Variants in ANKRD55 observed in about 807,000 individuals in gnomAD.
The protein encoded by ANKRD55 is ankyrin repeat domain 55.
A neutral mutation model predicts 60.6 loss-of-function variants in ANKRD55; 41 were observed. The observed-to-expected ratio is 0.68, with a 90% CI of 0.53 to 0.88. The LOEUF (loss-of-function observed/expected upper bound fraction) is 0.88, where lower values mean the gene tolerates loss of function less well. ANKRD55 is among the 40% of genes least tolerant of loss of function. The pLI, the probability that ANKRD55 is intolerant of heterozygous loss-of-function variation, is 0.00. For missense variants in ANKRD55, 732 were observed against 767.6 expected, an observed-to-expected ratio of 0.95 and a Z score of 0.55; for synonymous variants, 264 against 290.3, an observed-to-expected ratio of 0.91 and a Z score of 0.92.
At chr5:56,127,641 AAG>A in intron 7 of ANKRD55, 5 of 879,606 alleles carry the variant, frequency 5.7e-6, no homozygotes, top group Non-Finnish European at 5.5e-6. Flanking sequence ...GGAGCCTGGG[AAG>A]CAGAACTGTC....
intron 9 of ANKRD55, among the ~76,000 whole-genome samples, chr5:56,115,364 G>A (rs1756857304): frequency 6.6e-6 from 1 of 150,402 alleles, no homozygotes; most frequent in Non-Finnish European, 1.5e-5. Flanking sequence ...TGTCATCCAG[G>A]CTGGAGTGCA....
At chr5:56,168,109 A>AT (rs1308758483) in intron 5 of ANKRD55, among the ~76,000 whole-genome samples, 1 of 152,214 alleles carries the variant, frequency 6.6e-6, no homozygotes, top group South Asian at 2.1e-4. Flanking sequence ...AGAGCACCTT[A>AT]TAACCAGATG....
At chr5:56,154,776 A>G (rs1476782785) in intron 6 of ANKRD55, among the ~76,000 whole-genome samples, 1 of 151,978 alleles carries the variant, frequency 6.6e-6, no homozygotes, top group Non-Finnish European at 1.5e-5. Flanking sequence ...TTTAGTAGAG[A>G]CGGGGTTTGG....
chr5:56,108,943 A>G (rs1756580569), intron 10 of ANKRD55, among the ~76,000 whole-genome samples: 1 of 151,902 alleles, frequency 6.6e-6, no homozygotes, highest in African/African-American at 2.4e-5. Flanking sequence ...AGGCTGAGGC[A>G]GGAGAATTGC....
At chr5:56,188,831 C>T (rs926427654) in intron 2 of ANKRD55, among the ~76,000 whole-genome samples, 11 of 152,026 alleles carry the variant, frequency 7.2e-5, no homozygotes, top group African/African-American at 2.7e-4. Context: ...AAAGTTCTGA[C>T]TGATAAAACG....
At chr5:56,116,875 G>T in intron 8 of ANKRD55, 93 bp from the exon 9 acceptor site, 1 of 1,329,072 alleles carries the variant, frequency 7.5e-7, no homozygotes, top group Non-Finnish European at 1.0e-6. Flanking sequence ...AAGTCAGGTT[G>T]AGGTAGGGAA....
chr5:56,160,985 T>C (rs1337326321), intron 5 of ANKRD55: 1 of 152,218 alleles, frequency 6.6e-6, no homozygotes, highest in Non-Finnish European at 1.5e-5. Context: ...ATCTGTGAGA[T>C]AGGAGTGATA....
intron 8 of ANKRD55, among the ~76,000 whole-genome samples, chr5:56,124,687 T>C (rs149678816): frequency 0.016 from 2,403 of 152,176 alleles, 74 homozygotes; most frequent in African/African-American, 0.055. Flanking sequence ...TTTGTATTTT[T>C]AGTAGAGACA....
chr5:56,172,550 GA>G (rs1172635574), intron 4 of ANKRD55, among the ~76,000 whole-genome samples: 1 of 151,638 alleles, frequency 6.6e-6, no homozygotes, highest in African/African-American at 2.4e-5. Context: ...ACATTTCCTG[GA>G]ACTCTGTGTG....
chr5:56,158,006 C>G lies in ANKRD55; in HGVS notation c.483+1827G>C, dbSNP rs536961758. On this transcript the variant is annotated intron_variant, in intron 6 of 11. Transcript: ENST00000341048. ...GACCAGCCTGCTCAACATGGTGAAA[C>G]CCCGTCTCTACTAAAAATACAAAAA... 4.5e-4 allele frequency among the ~76,000 whole-genome samples: 69 copies of G among 152,240 alleles called. No homozygotes were observed. In the South Asian group the frequency reaches 0.011, roughly 25 times the overall value.
At chr5:56,192,793 C>T (rs780743811) in intron 2 of ANKRD55, 190 of 921,094 alleles carry the variant, frequency 2.1e-4, no homozygotes, top group Non-Finnish European at 2.6e-4. Flanking sequence ...TCGCTGAAAA[C>T]CTCTATTAGC....
At chr5:56,149,358 A>G (rs1757984106) in intron 6 of ANKRD55, among the ~76,000 whole-genome samples, 1 of 152,206 alleles carries the variant, frequency 6.6e-6, no homozygotes, top group African/African-American at 2.4e-5. Flanking sequence ...AATTATAAGA[A>G]TAATATGTCT....
intron 10 of ANKRD55, among the ~76,000 whole-genome samples, chr5:56,106,730 C>A (rs972366176): frequency 6.6e-6 from 1 of 152,022 alleles, no homozygotes; most frequent in South Asian, 2.1e-4. Flanking sequence ...CCACACCCAG[C>A]CTTAGTGGCT....
At chr5:56,151,893 A>T (rs1452504358) in intron 6 of ANKRD55, among the ~76,000 whole-genome samples, 2 of 149,272 alleles carry the variant, frequency 1.3e-5, no homozygotes, top group Non-Finnish European at 3.0e-5. Flanking sequence ...ATATACATAC[A>T]CACGTATATG....
intron 11 of ANKRD55, among the ~76,000 whole-genome samples, chr5:56,102,073 G>A (rs1336793678): frequency 6.6e-6 from 1 of 152,048 alleles, no homozygotes; most frequent in African/African-American, 2.4e-5. Context: ...ATAAGTGTTG[G>A]CACCTGATGT....
At chr5:56,214,815 C>T (rs922084439) in intron 2 of ANKRD55, among the ~76,000 whole-genome samples, 6 of 152,192 alleles carry the variant, frequency 3.9e-5, no homozygotes, top group African/African-American at 1.2e-4. Context: ...ACCAACCAAC[C>T]TATCTCAACT....
At chr5:56,170,379 A>G (rs572887187) in intron 5 of ANKRD55, among the ~76,000 whole-genome samples, 3 of 152,318 alleles carry the variant, frequency 2.0e-5, no homozygotes, top group South Asian at 4.1e-4. Context: ...GGTCCATAAC[A>G]TGTGCTCGAA....
At chr5:56,136,210 A>G (rs1356715832) in intron 7 of ANKRD55, among the ~76,000 whole-genome samples, 1 of 152,240 alleles carries the variant, frequency 6.6e-6, no homozygotes, top group Non-Finnish European at 1.5e-5. Flanking sequence ...TAGATTCAAT[A>G]TAGTCCCTAT....
Position 56,111,736 on chromosome 5 carries a change from T to A in ANKRD55, c.1012A>T (p.Lys338Ter). 5 of 1,516,454 alleles carry A rather than the reference T, an allele frequency of 3.3e-6. No individual in the cohort carries two copies. Among genetic ancestry groups the A allele is most frequent in the Non-Finnish European group, 2.6e-6 (3 of 1,137,062 alleles). 93.9% of individuals were successfully genotyped at this position (1,516,454 alleles called of 1,614,324 possible). The change falls in exon 10 of 12, where the codon AAG becomes TAG. Residue 338 changes from lysine (K) to a stop codon, truncating the protein, a stop_gained. Transcript: ENST00000341048. LOFTEE classifies it high-confidence loss of function. Reference protein sequence around the residue: ...PPPSQSSRPQKKERRFNVLNQ... With the variant: ...PPPSQSSRPQ ...AGCACGTTGAACCGTCTCTCCTTCT[T>A]CTGGGGCCGACTGCTCTGGGAGGGA... is the stretch of plus-strand genomic sequence containing the variant.
Sources: gnomAD v4.1 joint callset for allele counts (sites outside exome capture counted in the v4.1 genomes callset) on GRCh38, gnomAD v4.1.1 for gene constraint, MANE v1.5 for transcripts, NCBI Gene and HGNC (gene_info 2026-07-23, HGNC 2026-07-21) for gene names.